BRF1: variants seen among roughly 807,000 people sequenced by gnomAD.
BRF1 encodes the protein BRF1 general transcription factor IIIB subunit.
In BRF1, 59 loss-of-function variants were observed where a neutral mutation model predicts 81.7. The observed-to-expected ratio is 0.72, with a 90% CI of 0.59 to 0.90. The LOEUF (loss-of-function observed/expected upper bound fraction) is 0.90. BRF1 is among the 40% of genes least tolerant of loss of function. BRF1 has a pLI of 0.00. For missense variants in BRF1, 1,050 were observed against 936.3 expected, an observed-to-expected ratio of 1.12 and a Z score of -1.58; for synonymous variants, 491 against 395.6, an observed-to-expected ratio of 1.24 and a Z score of -2.86.
intron 5 of BRF1, among the ~76,000 whole-genome samples, chr14:105,251,871 G>A (rs2055634431): frequency 6.6e-6 from 1 of 152,014 alleles, no homozygotes; most frequent in Non-Finnish European, 1.5e-5. Flanking sequence ...CATGAACACT[G>A]CTGCTGCCTC....
chr14:105,279,281 G>T (rs998905628), intron 2 of BRF1, among the ~76,000 whole-genome samples: 1 of 152,174 alleles, frequency 6.6e-6, no homozygotes, highest in South Asian at 2.1e-4. Context: ...AGCTACAGAC[G>T]TGGGAGGAGG....
chr14:105,217,695 T>C lies in BRF1; in HGVS notation c.1621A>G (p.Ser541Gly). The C allele has an allele frequency of 1.2e-6, 2 of 1,613,418 alleles. No homozygotes were observed. Among genetic ancestry groups the C allele is most frequent in the South Asian group, 1.1e-5 (1 of 91,086 alleles). ...GCGCTGCTGAGGCCCCGGAGCACGC[T>C]ATAATTGATCTTGCTGGAGATCTTC... ...QKKISSKINY[S>G]VLRGLSSAGG... The change falls in exon 15 of 18, where the codon AGC becomes GGC. Residue 541 changes from serine (S) to glycine (G), a missense_variant. Ser to Gly is a moderately conservative substitution (Grantham distance 56). This residue lies in a region of BRF1 where 1,043 missense variants were observed against 915.4 expected (regional missense o/e 1.14). Transcript: ENST00000547530.
intron 10 of BRF1, among the ~76,000 whole-genome samples, chr14:105,224,127 G>A (rs1431847504): frequency 6.6e-6 from 1 of 152,198 alleles, no homozygotes; most frequent in Non-Finnish European, 1.5e-5. Flanking sequence ...CCCGCACTTT[G>A]GCGGGCCAAG....
chr14:105,224,920 G>A (rs1212316560), intron 10 of BRF1, among the ~76,000 whole-genome samples: 1 of 152,182 alleles, frequency 6.6e-6, no homozygotes, highest in African/African-American at 2.4e-5. Flanking sequence ...AGTCCCGGAG[G>A]GGTCCCCATG....
At chr14:105,249,519 T>C in intron 5 of BRF1, 2 of 1,608,932 alleles carry the variant, frequency 1.2e-6, no homozygotes, top group African/African-American at 1.3e-5. Context: ...GGGTCCGTTT[T>C]AGGCGGCCTC....
intron 2 of BRF1, among the ~76,000 whole-genome samples, chr14:105,282,395 G>A (rs1021608278): frequency 2.0e-5 from 3 of 152,170 alleles, no homozygotes; most frequent in African/African-American, 7.2e-5. Context: ...AGTTTTCTAA[G>A]AAAGGCAATC....
At position 105,210,618 on chromosome 14, in the gene BRF1, G is replaced by A. The variant is rs1889952453; in HGVS notation, c.1997-30C>T. 1.9e-6 allele frequency: 3 copies of A among 1,609,386 alleles called. No homozygotes were observed. Among genetic ancestry groups the A allele is most frequent in the East Asian group, 4.5e-5 (2 of 44,866 alleles). On this transcript the variant is annotated intron_variant, in intron 17 of 17. Transcript: ENST00000547530. This position sits in a 1 kb window ranked among gnomAD's most constrained non-coding sequence, Gnocchi z 4.7. Reference sequence around the variant, plus strand: ...AGAAGAGCACAGTCATGAAGCCCAGGGTCTCTGTGGGACCCAGGAGCCCAG... The same window carrying A: ...AGAAGAGCACAGTCATGAAGCCCAGAGTCTCTGTGGGACCCAGGAGCCCAG...
At chr14:105,251,997 T>C (rs1468864570) in intron 5 of BRF1, among the ~76,000 whole-genome samples, 4 of 152,100 alleles carry the variant, frequency 2.6e-5, no homozygotes, top group Non-Finnish European at 5.9e-5. Flanking sequence ...AAAAGAGGGC[T>C]GTGGCTGGAA....
chr14:105,268,865 C>T (rs2140386025), intron 3 of BRF1, among the ~76,000 whole-genome samples: 1 of 152,284 alleles, frequency 6.6e-6, no homozygotes, highest in Admixed American at 6.5e-5. Context: ...GGCAGCAGGG[C>T]TGGGCCAAGC....
In BRF1 at chr14:105,282,935, A is replaced by AAAACAAAC. The variant is rs587681186; in HGVS notation, c.265+3353_265+3360dup. On this transcript the variant is annotated intron_variant, in intron 2 of 17. Coordinates refer to ENST00000547530, the MANE Select transcript of BRF1 (RefSeq NM_001519.4). Reference sequence around the variant, plus strand: ...GTGACAGAGCGAGACTCCATCTCAAAAAACAAACAAACAAACAAAAGGTAA... The same window carrying AAAACAAAC: ...GTGACAGAGCGAGACTCCATCTCAAAAAACAAACAAACAAACAAACAAACAAAAGGTAA... Among the ~76,000 whole-genome samples, 1,114 of 152,290 alleles carry AAAACAAAC rather than the reference A, an allele frequency of 7.3e-3. 72 individuals are homozygous for AAAACAAAC. The highest frequency in any genetic ancestry group is 0.066 in the Admixed American group (1,009 of 15,280).
chr14:105,278,998 C>T (rs587658542), intron 2 of BRF1, among the ~76,000 whole-genome samples: 18 of 152,124 alleles, frequency 1.2e-4, no homozygotes, highest in Admixed American at 4.6e-4. Flanking sequence ...GAGCCGAGAT[C>T]GCGCCACTGC....
Position 105,220,564 on chromosome 14 carries a change from G to A in BRF1, c.1316-434C>T, listed in dbSNP as rs79241600. ...CCCATAGGTCTGGGGATAGAAATGA[G>A]GGAATAGAAATGATTCCGGAGTCCA... is the stretch of plus-strand genomic sequence containing the variant. On this transcript the variant is annotated intron_variant, in intron 11 of 17. Coordinates refer to ENST00000547530, the MANE Select transcript of BRF1 (RefSeq NM_001519.4). Among the ~76,000 whole-genome samples the A allele has an allele frequency of 8.3e-3, 1,258 of 152,258 alleles. 15 individuals are homozygous for A. Among genetic ancestry groups the A allele is most frequent in the African/African-American group, 0.029 (1,191 of 41,544 alleles).
chr14:105,247,793 G>A (rs1359000600), intron 5 of BRF1: 3 of 985,536 alleles, frequency 3.0e-6, no homozygotes, highest in East Asian at 2.3e-4. Flanking sequence ...GTCTGCACGC[G>A]AGCTTGGCAT....
chr14:105,249,444 G>A (rs2055438924), intron 5 of BRF1: 1 of 1,613,518 alleles, frequency 6.2e-7, no homozygotes, highest in Non-Finnish European at 8.5e-7. Flanking sequence ...TCACATTCCA[G>A]ACGTGGAGCC....
chr14:105,226,898 C>A, intron 7 of BRF1, 138 bp from the exon 8 acceptor site: 1 of 1,273,008 alleles, frequency 7.9e-7, no homozygotes, highest in Non-Finnish European at 1.1e-6. Flanking sequence ...TGCTTGAGTC[C>A]AAGACTTTGA....
In BRF1 at chr14:105,309,544, C is replaced by T. The variant is rs141258197; in HGVS notation, c.-162+5778G>A. The stretch of plus-strand genomic sequence containing the variant: ...GTCCCTGTTGACATTTCCAGTGTCA[C>T]CTGCAGGATGCCATGGGATACCCAT... On this transcript the variant is annotated intron_variant, in intron 1 of 17. Transcript: ENST00000327359. The surrounding 1 kb of genome is among the most constrained non-coding windows in gnomAD (Gnocchi z 4.0). Among the ~76,000 whole-genome samples, 354 of 152,312 alleles carry T rather than the reference C, an allele frequency of 2.3e-3. 2 individuals are homozygous for T. The highest frequency in any genetic ancestry group is 7.6e-3 in the African/African-American group (315 of 41,572).
At chr14:105,229,492 C>A (rs587749564) in intron 6 of BRF1, among the ~76,000 whole-genome samples, 3 of 152,208 alleles carry the variant, frequency 2.0e-5, no homozygotes, top group East Asian at 1.9e-4. Context: ...GAGGGCCCTG[C>A]CGACCTGGGG....
intron 2 of BRF1, among the ~76,000 whole-genome samples, chr14:105,274,442 C>T (rs2056793686): frequency 6.6e-6 from 1 of 152,180 alleles, no homozygotes; most frequent in Admixed American, 6.5e-5. Context: ...ACGAGATATA[C>T]CCACAGGTGT....
At position 105,219,226 on chromosome 14, in the gene BRF1, G is replaced by C; in HGVS notation, c.1384C>G (p.Leu462Val). The change falls in exon 13 of 18, where the codon CTG becomes GTG. Residue 462 changes from leucine to valine, a missense_variant. Physicochemically the swap from Leu to Val is conservative, Grantham distance 32. This residue lies in a region of BRF1 where 1,043 missense variants were observed against 915.4 expected (regional missense o/e 1.14). Transcript: ENST00000547530. ...IDDLEIDRYILNESEARVKAE... is the reference protein window; with the variant it reads ...IDDLEIDRYIVNESEARVKAE... ...TTCACGCGGGCTTCCGACTCATTCA[G>C]GATGTACTGGGCGAGCACAGGGAAG... is the stretch of plus-strand genomic sequence containing the variant. 6.2e-7 allele frequency: 1 copy of C among 1,612,050 alleles called. No homozygotes were observed. The highest frequency in any genetic ancestry group is 8.5e-7 in the Non-Finnish European group (1 of 1,178,594).
Sources: gnomAD v4.1 joint callset for allele counts (sites outside exome capture counted in the v4.1 genomes callset) on GRCh38, gnomAD v4.1.1 for gene constraint, gnomAD v4.1.1 regional missense constraint, Gnocchi (gnomAD v3.1) non-coding constraint, MANE v1.5 for transcripts, NCBI Gene and HGNC (gene_info 2026-07-23, HGNC 2026-07-21) for gene names.